ARHGAP15: variants seen among roughly 807,000 people sequenced by gnomAD.
ARHGAP15 encodes the protein Rho GTPase activating protein 15, also known as rho GTPase-activating protein 15.
Under a neutral mutation model 63.7 loss-of-function variants are expected in ARHGAP15, and 51 were observed. That is an observed-to-expected ratio of 0.80 (90% CI 0.64 to 1.01). The LOEUF is 1.01. Among genes scored for constraint, ARHGAP15 ranks in the 50% least tolerant of loss-of-function variants. The probability of loss-of-function intolerance (pLI) is 0.00; values close to 1 mark genes in which losing one functional copy is unlikely to be tolerated. For synonymous variants in ARHGAP15, 191 were observed against 193.8 expected, an observed-to-expected ratio of 0.99 and a Z score of 0.12; for missense variants, 560 against 564.6, an observed-to-expected ratio of 0.99 and a Z score of 0.08.
At chr2:143,236,649 T>C (rs964767389) in intron 5 of ARHGAP15, 1 of 152,142 alleles carries the variant, frequency 6.6e-6, no homozygotes, top group African/African-American at 2.4e-5. Flanking sequence ...TGAAATATAT[T>C]CATGGAGGAA....
intron 11 of ARHGAP15, among the ~76,000 whole-genome samples, chr2:143,600,746 G>A (rs1001565175): frequency 1.3e-5 from 2 of 152,136 alleles, no homozygotes. Flanking sequence ...ACTTGTCTAC[G>A]ATGGTACCGG....
chr2:143,342,111 T>G (rs1008507108), intron 6 of ARHGAP15, among the ~76,000 whole-genome samples: 1 of 152,148 alleles, frequency 6.6e-6, no homozygotes, highest in Non-Finnish European at 1.5e-5. Context: ...GCTAAATGTC[T>G]ATTGAGCAGA....
chr2:143,298,422 G>A (rs1343688615), intron 6 of ARHGAP15, among the ~76,000 whole-genome samples: 1 of 151,942 alleles, frequency 6.6e-6, no homozygotes, highest in African/African-American at 2.4e-5. Flanking sequence ...TCATCTGTAA[G>A]AATTTCTACT....
intron 13 of ARHGAP15, among the ~76,000 whole-genome samples, chr2:143,744,665 CCT>C (rs1468275763): frequency 1.3e-5 from 2 of 152,138 alleles, no homozygotes; most frequent in South Asian, 4.1e-4. Context: ...GTACATCTCC[CCT>C]CTCTTTATAA....
At chr2:143,159,329 C>T (rs1486882580) in intron 2 of ARHGAP15, among the ~76,000 whole-genome samples, 2 of 151,770 alleles carry the variant, frequency 1.3e-5, no homozygotes, top group African/African-American at 2.4e-5. Context: ...TTGTGGCTAG[C>T]CAAAAAGGCA....
intron 4 of ARHGAP15, among the ~76,000 whole-genome samples, chr2:143,223,171 G>A (rs971855389): frequency 1.3e-5 from 2 of 151,754 alleles, no homozygotes; most frequent in South Asian, 4.2e-4. Context: ...ACTGGGTTTC[G>A]CCATGTTGAC....
chr2:143,360,185 C>A (rs1685981177), intron 6 of ARHGAP15, among the ~76,000 whole-genome samples: 1 of 150,788 alleles, frequency 6.6e-6, no homozygotes, highest in Admixed American at 6.6e-5. Flanking sequence ...TAGGAACCAG[C>A]CTGATCAAAA....
At chr2:143,656,850 C>T (rs1681460546) in intron 12 of ARHGAP15, among the ~76,000 whole-genome samples, 1 of 151,538 alleles carries the variant, frequency 6.6e-6, no homozygotes, top group Non-Finnish European at 1.5e-5. Flanking sequence ...TGGGTCAGAC[C>T]TAAAGCAGAA....
chr2:143,461,182 C>T (rs1225121663), intron 8 of ARHGAP15, among the ~76,000 whole-genome samples: 1 of 141,114 alleles, frequency 7.1e-6, no homozygotes, highest in African/African-American at 2.6e-5. Flanking sequence ...CCCAGCTACT[C>T]GGGATGCTGA....
At chr2:143,411,283 A>G (rs1232286906) in intron 6 of ARHGAP15, among the ~76,000 whole-genome samples, 1 of 152,186 alleles carries the variant, frequency 6.6e-6, no homozygotes, top group African/African-American at 2.4e-5. Context: ...TAAAGACCAT[A>G]GCAGGATTCA....
intron 5 of ARHGAP15, among the ~76,000 whole-genome samples, chr2:143,231,346 C>T (rs1179252166): frequency 6.6e-6 from 1 of 152,002 alleles, no homozygotes; most frequent in African/African-American, 2.4e-5. Flanking sequence ...CTGATTCAGA[C>T]ATTTATAGAA....
intron 10 of ARHGAP15, among the ~76,000 whole-genome samples, chr2:143,526,408 G>A (rs900917723): frequency 6.6e-6 from 1 of 151,458 alleles, no homozygotes; most frequent in Admixed American, 6.6e-5. Flanking sequence ...CCAATGTAAA[G>A]TTTAGGTTCT....
At chr2:143,255,325 T>C (rs111739529) in intron 6 of ARHGAP15, among the ~76,000 whole-genome samples, 13 of 152,054 alleles carry the variant, frequency 8.5e-5, no homozygotes, top group African/African-American at 2.9e-4. Flanking sequence ...ATTTCCTGGA[T>C]TTGAGATTAT....
chr2:143,631,987 G>A (rs1680057007), intron 12 of ARHGAP15, among the ~76,000 whole-genome samples: 1 of 151,944 alleles, frequency 6.6e-6, no homozygotes, highest in South Asian at 2.1e-4. Flanking sequence ...GCCTTAAGGT[G>A]TCTAATTTTT....
intron 12 of ARHGAP15, among the ~76,000 whole-genome samples, chr2:143,659,609 C>T (rs1559108591): frequency 6.6e-6 from 1 of 152,090 alleles, no homozygotes; most frequent in Non-Finnish European, 1.5e-5. Flanking sequence ...GAAAGGAGGA[C>T]ATTCTCTAGC....
intron 1 of ARHGAP15, among the ~76,000 whole-genome samples, chr2:143,133,982 G>A (rs961566631): frequency 6.6e-6 from 1 of 152,008 alleles, no homozygotes; most frequent in South Asian, 2.1e-4. Flanking sequence ...TTTTACAGCT[G>A]TATACTATTC....
At chr2:143,575,749 G>A (rs1029376211) in intron 11 of ARHGAP15, among the ~76,000 whole-genome samples, 7 of 152,150 alleles carry the variant, frequency 4.6e-5, no homozygotes, top group African/African-American at 1.7e-4. Context: ...TTCTGGAAAT[G>A]TTAGCCTGAA....
At chr2:143,757,218 T>C (rs1686608729) in intron 13 of ARHGAP15, among the ~76,000 whole-genome samples, 1 of 152,006 alleles carries the variant, frequency 6.6e-6, no homozygotes, top group Non-Finnish European at 1.5e-5. Context: ...TGAATCAAAA[T>C]ACACACAGAG....
intron 5 of ARHGAP15, among the ~76,000 whole-genome samples, chr2:143,242,564 C>T (rs1289823572): frequency 2.0e-5 from 3 of 152,142 alleles, no homozygotes; most frequent in Non-Finnish European, 4.4e-5. Context: ...ACAAAAAGCA[C>T]ATAACATTCT....
Sources: allele counts gnomAD v4.1 joint callset (sites outside exome capture counted in the v4.1 genomes callset), GRCh38; gene constraint gnomAD v4.1.1; transcripts MANE v1.5; gene names NCBI Gene and HGNC (gene_info 2026-07-23, HGNC 2026-07-21).